The following PKIA variants were observed in gnomAD, a reference collection of about 807,000 sequenced individuals.
PKIA encodes PKI-alpha.
PKIA carries 4 observed loss-of-function variants against 7.6 expected under a neutral mutation model. The ratio of observed to expected loss-of-function variants is 0.52; its 90% confidence interval spans 0.26 to 1.20. The LOEUF is 1.20. PKIA is among the 50% of genes most tolerant of loss of function. The probability of loss-of-function intolerance (pLI) is 0.13; values close to 1 mark genes in which losing one functional copy is unlikely to be tolerated. For missense variants in PKIA, 73 were observed against 86.2 expected, an observed-to-expected ratio of 0.85 and a Z score of 0.61; for synonymous variants, 21 against 30.7, an observed-to-expected ratio of 0.68 and a Z score of 1.04.
chr8:78,536,087 T>G (rs1806514559), intron 1 of PKIA: 1 of 152,114 alleles, frequency 6.6e-6, no homozygotes, highest in African/African-American at 2.4e-5. Flanking sequence ...GGTAATTTAT[T>G]TCCTCTGTTA....
intron 2 of PKIA, among the ~76,000 whole-genome samples, chr8:78,594,640 C>T (rs1808187622): frequency 6.6e-6 from 1 of 152,034 alleles, no homozygotes; most frequent in Admixed American, 6.6e-5. Context: ...ATCAGTATGA[C>T]CTGGCAAGTG....
chr8:78,579,482 C>T (rs953281595), intron 2 of PKIA, among the ~76,000 whole-genome samples: 1 of 151,960 alleles, frequency 6.6e-6, no homozygotes, highest in African/African-American at 2.4e-5. Flanking sequence ...ACTTTTCCAG[C>T]ATTAGGACCT....
intron 1 of PKIA, among the ~76,000 whole-genome samples, chr8:78,561,055 T>G (rs2118515103): frequency 1.3e-5 from 2 of 152,308 alleles, no homozygotes; most frequent in South Asian, 4.1e-4. Flanking sequence ...AGACGTGGTA[T>G]ATCAGTACAA....
At chr8:78,589,298 G>A (rs1301341125) in intron 2 of PKIA, among the ~76,000 whole-genome samples, 3 of 152,106 alleles carry the variant, frequency 2.0e-5, no homozygotes, top group Non-Finnish European at 4.4e-5. Context: ...GAAAGAAATT[G>A]TTTTTATTAG....
At chr8:78,569,899 T>A (rs77290481) in intron 1 of PKIA, among the ~76,000 whole-genome samples, 1 of 152,022 alleles carries the variant, frequency 6.6e-6, no homozygotes, top group Admixed American at 6.6e-5. Context: ...AGAGTGGAGA[T>A]GACAAAGCAT....
chr8:78,586,949 C>T (rs534152400), intron 2 of PKIA, among the ~76,000 whole-genome samples: 1 of 152,198 alleles, frequency 6.6e-6, no homozygotes, highest in South Asian at 2.1e-4. Context: ...TGATATCTGG[C>T]ACATATGTAA....
At chr8:78,596,647 G>A (rs1808231444) in intron 2 of PKIA, among the ~76,000 whole-genome samples, 1 of 152,128 alleles carries the variant, frequency 6.6e-6, no homozygotes, top group Non-Finnish European at 1.5e-5. Flanking sequence ...AGTTTCTTTT[G>A]CTGTGCAGAA....
intron 1 of PKIA, chr8:78,535,901 G>T (rs1402517052): frequency 6.6e-6 from 1 of 152,024 alleles, no homozygotes; most frequent in Non-Finnish European, 1.5e-5. Flanking sequence ...TGATACAGGG[G>T]TGACCTGGAA....
chr8:78,546,829 ATGGAAT>A (rs1806836254), intron 1 of PKIA, among the ~76,000 whole-genome samples: 1 of 152,224 alleles, frequency 6.6e-6, no homozygotes, highest in Non-Finnish European at 1.5e-5. Flanking sequence ...TATAAATCAA[ATGGAAT>A]TATTAACTTC....
intron 1 of PKIA, among the ~76,000 whole-genome samples, chr8:78,524,353 G>A (rs1346834507): frequency 6.6e-6 from 1 of 150,566 alleles, no homozygotes; most frequent in East Asian, 1.9e-4. Context: ...TTAAACTAGT[G>A]CCATCAAAAA....
intron 1 of PKIA, among the ~76,000 whole-genome samples, chr8:78,529,130 A>G (rs1806330477): frequency 6.6e-6 from 1 of 152,102 alleles, no homozygotes; most frequent in African/African-American, 2.4e-5. Context: ...TATAGCTTAC[A>G]GATATGGATA....
At chr8:78,599,947 T>C (rs1233961315) in intron 3 of PKIA, among the ~76,000 whole-genome samples, 1 of 150,100 alleles carries the variant, frequency 6.7e-6, no homozygotes, top group Non-Finnish European at 1.5e-5. Context: ...TATTATAAAT[T>C]ATTGAAATAA....
intron 1 of PKIA, among the ~76,000 whole-genome samples, chr8:78,537,241 C>T (rs1806551331): frequency 6.7e-6 from 1 of 149,792 alleles, no homozygotes. Flanking sequence ...ATATTTTTTT[C>T]CTAGGTAGAA....
At position 78,540,653 on chromosome 8, in the gene PKIA, G is replaced by C. The variant is rs77947704; in HGVS notation, c.-157+24185G>C. On this transcript the variant is annotated intron_variant, in intron 1 of 3. Coordinates refer to ENST00000396418, the MANE Select transcript of PKIA (RefSeq NM_006823.4). ...CCCTTTTTCAGGTAGAGGGACAGAG[G>C]GGGTGGGGCAGGGACTTCTTTCAGT... is the stretch of plus-strand genomic sequence containing the variant. Among the ~76,000 whole-genome samples, 1,506 of 152,102 alleles carry C rather than the reference G, an allele frequency of 9.9e-3. 13 individuals are homozygous for C. Among genetic ancestry groups the C allele is most frequent in the Middle Eastern group, 0.017 (5 of 292 alleles).
chr8:78,593,426 C>G (rs772834615), intron 2 of PKIA, among the ~76,000 whole-genome samples: 2 of 152,008 alleles, frequency 1.3e-5, no homozygotes, highest in Non-Finnish European at 2.9e-5. Flanking sequence ...TGGCCTAAGC[C>G]TATGTTTTTA....
intron 2 of PKIA, among the ~76,000 whole-genome samples, chr8:78,592,374 A>G (rs1195143623): frequency 1.3e-5 from 2 of 152,128 alleles, no homozygotes; most frequent in Admixed American, 6.6e-5. Flanking sequence ...TTACTTTTAT[A>G]GTAATAGCTA....
chr8:78,517,107 C>T (rs973990443), intron 1 of PKIA, among the ~76,000 whole-genome samples: 1 of 152,140 alleles, frequency 6.6e-6, no homozygotes, highest in East Asian at 1.9e-4. Context: ...ATGCTGTGCC[C>T]ATTCACAGAC....
intron 1 of PKIA, among the ~76,000 whole-genome samples, chr8:78,536,383 A>C (rs1806522213): frequency 6.6e-6 from 1 of 152,126 alleles, no homozygotes; most frequent in African/African-American, 2.4e-5. Context: ...ATGAGAGGCT[A>C]TGAAAATAAA....
At chr8:78,577,154 G>C (rs146771344) in intron 2 of PKIA, among the ~76,000 whole-genome samples, 2 of 151,910 alleles carry the variant, frequency 1.3e-5, no homozygotes, top group African/African-American at 4.8e-5. Flanking sequence ...TGTGCACAAC[G>C]TGCAGGTTTG....
Sources: allele counts gnomAD v4.1 joint callset (sites outside exome capture counted in the v4.1 genomes callset), GRCh38; gene constraint gnomAD v4.1.1; transcripts MANE v1.5; gene names NCBI Gene and HGNC (gene_info 2026-07-23, HGNC 2026-07-21).